CNOT6: variants seen among roughly 807,000 people sequenced by gnomAD.
CNOT6 encodes the protein CCR4-NOT transcription complex subunit 6, also known as carbon catabolite repression 4 protein.
A neutral mutation model predicts 61.2 loss-of-function variants in CNOT6; 12 were observed. The observed-to-expected ratio is 0.20, with a 90% confidence interval of 0.13 to 0.32. CNOT6 has a LOEUF of 0.32. Ranked by LOEUF, CNOT6 falls within the 10% of genes least tolerant of loss-of-function variation. The pLI, the probability that CNOT6 is intolerant of heterozygous loss-of-function variation, is 1.00. For synonymous variants in CNOT6, 225 were observed against 240.6 expected, an observed-to-expected ratio of 0.94 and a Z score of 0.60; for missense variants, 405 against 663.9, an observed-to-expected ratio of 0.61 and a Z score of 4.28.
chr5:180,576,222 G>A lies in CNOT6; in HGVS notation c.*2022G>A, dbSNP rs1760997461. 2 of 152,556 alleles carry A rather than the reference G, an allele frequency of 1.3e-5. No homozygotes were observed. Among genetic ancestry groups the A allele is most frequent in the Admixed American group, 1.3e-4 (2 of 15,268 alleles). The allele number at this position is 152,556 out of a possible 1,614,324, so 9.5% of individuals were successfully genotyped here. A position where few individuals can be genotyped will look rare whatever the true frequency, so the allele number is the denominator to read the frequency against. On this transcript the variant is annotated 3_prime_UTR_variant, in exon 12 of 12. Transcript: ENST00000261951. ...ACACTGTGTTGGTAATGTGCATCAT[G>A]ACAATTTCCAGTGAAGGTGAGCTGG...
chr5:180,568,524 C>T (rs535933386), intron 9 of CNOT6, among the ~76,000 whole-genome samples: 2 of 151,132 alleles, frequency 1.3e-5, no homozygotes, highest in East Asian at 3.9e-4. Flanking sequence ...TGCACTCCAA[C>T]CTGGGTGACA....
At chr5:180,535,988 G>GTTTTTTTT (rs756489493) in intron 2 of CNOT6, among the ~76,000 whole-genome samples, 1 of 62,444 alleles carries the variant, frequency 1.6e-5, no homozygotes, top group East Asian at 6.6e-4. Context: ...ACTTATTAGG[G>GTTTTTTTT]TTTTTTTTTT....
intron 2 of CNOT6, among the ~76,000 whole-genome samples, chr5:180,542,149 G>A (rs1489410681): frequency 1.3e-5 from 2 of 152,120 alleles, no homozygotes; most frequent in Admixed American, 6.6e-5. Flanking sequence ...TTTAAGCAGT[G>A]TGATAATGAT....
intron 1 of CNOT6, among the ~76,000 whole-genome samples, chr5:180,497,501 G>A (rs1042045042): frequency 1.3e-5 from 2 of 152,074 alleles, no homozygotes; most frequent in Admixed American, 1.3e-4. Flanking sequence ...TATTCTTTGG[G>A]CCGTTAGGGG....
At chr5:180,539,935 A>G (rs375766225) in intron 2 of CNOT6, among the ~76,000 whole-genome samples, 13 of 151,998 alleles carry the variant, frequency 8.6e-5, no homozygotes, top group African/African-American at 3.1e-4. Context: ...AGAAGATGTG[A>G]CTCAGGGTAG....
At chr5:180,498,353 G>A (rs576354613) in intron 1 of CNOT6, among the ~76,000 whole-genome samples, 20 of 152,320 alleles carry the variant, frequency 1.3e-4, no homozygotes, top group African/African-American at 2.2e-4. Flanking sequence ...CCTTCTCATA[G>A]TGTATAGGCT....
intron 2 of CNOT6, among the ~76,000 whole-genome samples, 153 bp downstream of exon 2, chr5:180,529,541 A>G (rs1665402849): frequency 6.6e-6 from 1 of 152,254 alleles, no homozygotes; most frequent in African/African-American, 2.4e-5. Context: ...TTATCTTAGA[A>G]GCAGGAAGGT....
At chr5:180,569,851 A>G (rs949425400) in intron 10 of CNOT6, among the ~76,000 whole-genome samples, 2 of 152,244 alleles carry the variant, frequency 1.3e-5, no homozygotes, top group Non-Finnish European at 2.9e-5. Flanking sequence ...ATTAAAATGT[A>G]GAATACAGAA....
chr5:180,557,905 TTTTG>T (rs72366079), intron 4 of CNOT6, among the ~76,000 whole-genome samples: 24,133 of 152,108 alleles, frequency 0.16, 2,025 homozygotes, highest in Non-Finnish European at 0.19. Context: ...TCAAGGTTCT[TTTTG>T]TGTGTGTGTG....
intron 1 of CNOT6, among the ~76,000 whole-genome samples, chr5:180,503,360 T>G (rs1756972381): frequency 6.7e-6 from 1 of 149,728 alleles, no homozygotes; most frequent in African/African-American, 2.5e-5. Flanking sequence ...GCCTCCTGGG[T>G]TCAAGCGATT....
chr5:180,533,075 G>T (rs1758472042), intron 2 of CNOT6, among the ~76,000 whole-genome samples: 1 of 152,018 alleles, frequency 6.6e-6, no homozygotes, highest in Admixed American at 6.6e-5. Flanking sequence ...TATTAGACAA[G>T]CAAGGCATGT....
At position 180,573,922 on chromosome 5, in the gene CNOT6, TTGAAAGCAC is replaced by T. The variant is rs1444398708; in HGVS notation, c.1462-62_1462-54del. On this transcript the variant is annotated intron_variant, in intron 11 of 11. Coordinates refer to ENST00000261951, the MANE Select transcript of CNOT6 (RefSeq NM_001370472.1). ...ACCAAACATGACATAAAGGCATGTC[TTGAAAGCAC>T]TGAGGATTTTAGTGTTGTCTTATAC... 8.2e-6 allele frequency: 9 copies of T among 1,095,298 alleles called. No homozygotes were observed. In the Middle Eastern group the frequency reaches 6.0e-4, roughly 73 times the overall value. 67.8% of individuals were successfully genotyped at this position (1,095,298 alleles called of 1,614,324 possible).
chr5:180,567,937 A>G lies in CNOT6; in HGVS notation c.961A>G (p.Met321Val), dbSNP rs1394809773. Reference sequence around the variant, plus strand: ...GTCTGAAGCTATGCTGAACAGAGTCATGACAAAAGATAACATTGGGGTTGC... The same window carrying G: ...GTCTGAAGCTATGCTGAACAGAGTCGTGACAAAAGATAACATTGGGGTTGC... ...EGSEAMLNRV[M>V]TKDNIGVAVL... The change falls in exon 9 of 12, where the codon ATG becomes GTG. Residue 321 changes from methionine to valine, a missense_variant. By Grantham distance (21) the Met-to-Val change is conservative. Transcript: ENST00000261951. 6.2e-7 allele frequency: 1 copy of G among 1,614,110 alleles called. No individual in the cohort carries two copies. Among genetic ancestry groups the G allele is most frequent in the Admixed American group, 1.7e-5 (1 of 60,028 alleles).
intron 2 of CNOT6, among the ~76,000 whole-genome samples, chr5:180,531,527 C>A (rs1758376833): frequency 6.9e-6 from 1 of 145,556 alleles, no homozygotes; most frequent in African/African-American, 2.5e-5. Flanking sequence ...AGGGGCTCCT[C>A]ACATCCCAGA....
At chr5:180,570,295 T>C (rs1760681252) in intron 10 of CNOT6, among the ~76,000 whole-genome samples, 1 of 152,142 alleles carries the variant, frequency 6.6e-6, no homozygotes, top group African/African-American at 2.4e-5. Flanking sequence ...GAGGCAGAAG[T>C]TGCAGGGAGC....
chr5:180,540,728 T>C (rs1307913262), intron 2 of CNOT6, among the ~76,000 whole-genome samples: 1 of 152,230 alleles, frequency 6.6e-6, no homozygotes, highest in Non-Finnish European at 1.5e-5. Context: ...AACCCCATTG[T>C]AAGTTGAGGC....
At chr5:180,564,631 A>T (rs767268671) in intron 5 of CNOT6, 38 bp downstream of exon 5, 1 of 1,607,242 alleles carries the variant, frequency 6.2e-7, no homozygotes, top group Non-Finnish European at 8.5e-7. Context: ...TATTAGGAAG[A>T]CGTGTAAGAA....
intron 1 of CNOT6, among the ~76,000 whole-genome samples, chr5:180,496,148 C>T (rs953412959): frequency 6.6e-6 from 1 of 152,200 alleles, no homozygotes; most frequent in South Asian, 2.1e-4. Context: ...AGCGATCTTC[C>T]TTCCTTGGCC....
chr5:180,558,510 T>TA (rs71591502), intron 4 of CNOT6, among the ~76,000 whole-genome samples: 2,952 of 140,142 alleles, frequency 0.021, 88 homozygotes, highest in African/African-American at 0.067. Flanking sequence ...AGAAACACCT[T>TA]AAAAAAAAAA....
Sources: allele counts gnomAD v4.1 joint callset (sites outside exome capture counted in the v4.1 genomes callset), GRCh38; gene constraint gnomAD v4.1.1; transcripts MANE v1.5; gene names NCBI Gene and HGNC (gene_info 2026-07-23, HGNC 2026-07-21).